DERA: variants seen among roughly 807,000 people sequenced by gnomAD.
DERA encodes 2-deoxy-D-ribose 5-phosphate aldolase.
In DERA, 15 loss-of-function variants were observed where a neutral mutation model predicts 41.1. The observed-to-expected ratio is 0.37, with a 90% confidence interval of 0.24 to 0.56. The LOEUF (loss-of-function observed/expected upper bound fraction) is 0.56, where lower values mean the gene tolerates loss of function less well. Ranked by LOEUF, DERA falls within the 20% of genes least tolerant of loss-of-function variation. The pLI is 0.81. For synonymous variants in DERA, 139 were observed against 137.4 expected (o/e 1.01, Z -0.08); for missense variants, 396 against 403.4 (o/e 0.98, Z 0.16).
At chr12:15,974,735 CTT>C (rs1948685938) in intron 5 of DERA, among the ~76,000 whole-genome samples, 1 of 152,180 alleles carries the variant, frequency 6.6e-6, no homozygotes, top group Non-Finnish European at 1.5e-5. Flanking sequence ...TTTATTCACT[CTT>C]TTAGCATCCA....
At chr12:16,031,429 C>T (rs1030594391) in intron 6 of DERA, among the ~76,000 whole-genome samples, 15 of 152,150 alleles carry the variant, frequency 9.9e-5, no homozygotes, top group African/African-American at 3.6e-4. Flanking sequence ...AGGTATGGTG[C>T]CACAGATTCC....
intron 5 of DERA, among the ~76,000 whole-genome samples, chr12:15,968,049 A>G (rs1383536421): frequency 6.6e-6 from 1 of 150,432 alleles, no homozygotes; most frequent in Non-Finnish European, 1.5e-5. Context: ...CCATGTCCTT[A>G]TTAAGAAGTA....
At chr12:16,022,494 C>T (rs891533325) in intron 6 of DERA, among the ~76,000 whole-genome samples, 3 of 152,196 alleles carry the variant, frequency 2.0e-5, no homozygotes, top group African/African-American at 7.2e-5. Flanking sequence ...CTACCAGATA[C>T]ATTCTTATTT....
chr12:15,912,184 C>T (rs889852597), intron 1 of DERA, among the ~76,000 whole-genome samples: 2 of 152,010 alleles, frequency 1.3e-5, no homozygotes, highest in South Asian at 2.1e-4. Context: ...GTGTTTGTGT[C>T]CCTGGGTACT....
chr12:15,968,087 T>TTC (rs1460299047), intron 5 of DERA, among the ~76,000 whole-genome samples: 1 of 80,654 alleles, frequency 1.2e-5, no homozygotes, highest in African/African-American at 3.7e-5. Flanking sequence ...CTTCTTCTTC[T>TTC]TTTTTTTTTT....
At chr12:15,955,497 G>A (rs1174549697) in intron 1 of DERA, among the ~76,000 whole-genome samples, 2 of 152,134 alleles carry the variant, frequency 1.3e-5, no homozygotes, top group East Asian at 1.9e-4. Flanking sequence ...AGTTGGCTCA[G>A]CAAACAAGCA....
intron 5 of DERA, among the ~76,000 whole-genome samples, chr12:15,973,107 C>A (rs1052442275): frequency 2.0e-5 from 3 of 152,060 alleles, no homozygotes; most frequent in African/African-American, 7.2e-5. Context: ...AGGCAGAGGT[C>A]AGGTTATGAC....
intron 7 of DERA, among the ~76,000 whole-genome samples, chr12:16,034,958 A>G (rs1456930431): frequency 1.0e-3 from 2 of 1,910 alleles, no homozygotes; most frequent in Admixed American, 0.025. Flanking sequence ...ACCCCCTACT[A>G]CCTTACAGCT....
rs1411405535 is a variant in DERA at position 15,992,115 on chromosome 12, A to C, written c.637+9679A>C. 1.3e-5 allele frequency among the ~76,000 whole-genome samples: 2 copies of C among 151,312 alleles called. No individual in the cohort carries two copies. The highest frequency in any genetic ancestry group is 2.9e-5 in the Non-Finnish European group (2 of 67,850). ...TGTGCTCTTCCCTGGGCTAAGGACC[A>C]CACCTTCCTTAACTTTATTCCTCTG... is the stretch of plus-strand genomic sequence containing the variant. On this transcript the variant is annotated intron_variant, in intron 6 of 8. Coordinates refer to ENST00000428559, the MANE Select transcript of DERA (RefSeq NM_015954.4). This position sits in a 1 kb window ranked among gnomAD's most constrained non-coding sequence, Gnocchi z 4.3.
chr12:15,988,105 C>G lies in DERA; in HGVS notation c.637+5669C>G, dbSNP rs996253415. Among the ~76,000 whole-genome samples, 5 of 152,162 alleles carry G rather than the reference C, an allele frequency of 3.3e-5. No individual in the cohort carries two copies. The highest frequency in any genetic ancestry group is 4.8e-5 in the African/African-American group (2 of 41,436). ...CCCAAAAACTTGGAGACACCAGGAACCACAGAGCCCCAAAGAGGGTGTTAC... is the reference window on the plus strand; with the variant it reads ...CCCAAAAACTTGGAGACACCAGGAAGCACAGAGCCCCAAAGAGGGTGTTAC... On this transcript the variant is annotated intron_variant, in intron 6 of 8. Transcript: ENST00000428559. The surrounding 1 kb of genome is among the most constrained non-coding windows in gnomAD (Gnocchi z 6.0).
chr12:15,926,742 GAAAAAA>G (rs71051274), intron 1 of DERA, among the ~76,000 whole-genome samples: 11 of 120,470 alleles, frequency 9.1e-5, no homozygotes, highest in East Asian at 7.2e-4. Context: ...GTCTCAAAAA[GAAAAAA>G]AAAAAAAAAA....
Position 16,004,591 on chromosome 12 carries a change from A to G in DERA, c.637+22155A>G, listed in dbSNP as rs1305587966. 6.6e-6 allele frequency among the ~76,000 whole-genome samples: 1 copy of G among 152,230 alleles called. No homozygotes were observed. Among genetic ancestry groups the G allele is most frequent in the African/African-American group, 2.4e-5 (1 of 41,470 alleles). On this transcript the variant is annotated intron_variant, in intron 6 of 8. Coordinates refer to ENST00000428559, the MANE Select transcript of DERA (RefSeq NM_015954.4). The surrounding 1 kb of genome is among the most constrained non-coding windows in gnomAD (Gnocchi z 4.2). ...CTAACCACCTTTCTAAATGTTTAATAGTAGTCATATTAACTTATTAAATTG... is the reference window on the plus strand; with the variant it reads ...CTAACCACCTTTCTAAATGTTTAATGGTAGTCATATTAACTTATTAAATTG...
chr12:15,991,522 A>G (rs1948801794), intron 6 of DERA, among the ~76,000 whole-genome samples: 1 of 152,162 alleles, frequency 6.6e-6, no homozygotes, highest in Non-Finnish European at 1.5e-5. Flanking sequence ...GTATCCAAAT[A>G]AAAATCTTTT....
chr12:16,024,884 A>G (rs1949043062), intron 6 of DERA, among the ~76,000 whole-genome samples: 3 of 152,206 alleles, frequency 2.0e-5, no homozygotes. Context: ...GAATTGTTAT[A>G]TTACCAGATA....
Position 16,008,634 on chromosome 12 carries a change from G to A in DERA, c.638-23908G>A, listed in dbSNP as rs142026273. Among the ~76,000 whole-genome samples the A allele has an allele frequency of 1.6e-3, 240 of 152,306 alleles. No homozygotes were observed. The highest frequency in any genetic ancestry group is 3.3e-3 in the Admixed American group (50 of 15,292). ...CACAGATAGCACGGAACATGATAAC[G>A]GTGGCTTAAATTGTTTTTTCTTGTG... On this transcript the variant is annotated intron_variant, in intron 6 of 8. Coordinates refer to ENST00000428559, the MANE Select transcript of DERA (RefSeq NM_015954.4). The surrounding 1 kb of genome is among the most constrained non-coding windows in gnomAD (Gnocchi z 4.8).
intron 1 of DERA, among the ~76,000 whole-genome samples, chr12:15,923,701 CT>C (rs10641594): frequency 1.3e-3 from 187 of 146,178 alleles, no homozygotes; most frequent in African/African-American, 2.5e-3. Flanking sequence ...TATAGTCTTC[CT>C]TTTTTTTTTT....
chr12:15,942,105 G>C (rs1948413025), intron 1 of DERA, among the ~76,000 whole-genome samples: 1 of 152,172 alleles, frequency 6.6e-6, no homozygotes, highest in African/African-American at 2.4e-5. Flanking sequence ...GCATTTCCCT[G>C]ATAATTAGTG....
intron 1 of DERA, among the ~76,000 whole-genome samples, chr12:15,947,057 G>A (rs1322590581): frequency 6.6e-6 from 1 of 152,156 alleles, no homozygotes; most frequent in Non-Finnish European, 1.5e-5. Context: ...TCTTAATCCT[G>A]ATTTCTAGTT....
At chr12:15,962,703 T>A (rs1401469864) in intron 4 of DERA, 110 bp from the exon 5 acceptor site, 4 of 851,180 alleles carry the variant, frequency 4.7e-6, no homozygotes. Flanking sequence ...TTTGGAATTC[T>A]TTGATGAACT....
Sources: gnomAD v4.1 joint callset for allele counts (sites outside exome capture counted in the v4.1 genomes callset) on GRCh38, gnomAD v4.1.1 for gene constraint, Gnocchi (gnomAD v3.1) non-coding constraint, MANE v1.5 for transcripts, NCBI Gene and HGNC (gene_info 2026-07-23, HGNC 2026-07-21) for gene names.